Variants in ENPP6 observed in about 807,000 individuals in gnomAD.
The protein encoded by ENPP6 is glycerophosphocholine cholinephosphodiesterase ENPP6.
A neutral mutation model predicts 42.0 loss-of-function variants in ENPP6; 32 were observed. That is an observed-to-expected ratio of 0.76 (90% CI 0.58 to 1.02). The LOEUF is 1.02. Ranked by LOEUF, ENPP6 falls within the 50% of genes least tolerant of loss-of-function variation. The pLI is 0.00. For synonymous variants in ENPP6, 213 were observed against 216.0 expected (o/e 0.99, Z 0.12); for missense variants, 552 against 566.8 (o/e 0.97, Z 0.27).
intron 1 of ENPP6, among the ~76,000 whole-genome samples, chr4:184,159,773 C>A (rs907410655): frequency 6.6e-6 from 1 of 152,094 alleles, no homozygotes; most frequent in African/African-American, 2.4e-5. Context: ...ACATTGTACC[C>A]AATGTGTAGT....
At chr4:184,110,408 A>C (rs58437705) in intron 6 of ENPP6, among the ~76,000 whole-genome samples, 53,143 of 152,054 alleles carry the variant, frequency 0.35, 10,204 homozygotes, top group East Asian at 0.53. Context: ...TTATGCACCA[A>C]GGCTCCTCAT....
rs1735739517 is a variant in ENPP6 at position 184,089,015 on chromosome 4, C to T, written c.*2162G>A. On this transcript the variant is annotated 3_prime_UTR_variant, in exon 8 of 8. Coordinates refer to ENST00000296741, the MANE Select transcript of ENPP6 (RefSeq NM_153343.4). ...TTTGAGTATCTCTTAGGGATTCTTC[C>T]TCCACAGTGGAGGAAAGTGGGCTCT... 1 of 152,182 alleles carries T rather than the reference C, an allele frequency of 6.6e-6. No individual in the cohort carries two copies. The highest frequency in any genetic ancestry group is 6.5e-5 in the Admixed American group (1 of 15,286). The allele number at this position is 152,182 out of a possible 1,614,324, so 9.4% of individuals were successfully genotyped here. A position where few individuals can be genotyped will look rare whatever the true frequency, so the allele number is the denominator to read the frequency against.
At chr4:184,167,842 T>C (rs902546657) in intron 1 of ENPP6, among the ~76,000 whole-genome samples, 1 of 152,158 alleles carries the variant, frequency 6.6e-6, no homozygotes, top group Non-Finnish European at 1.5e-5. Context: ...CAGATGGTGC[T>C]GGGAGCAGAC....
At chr4:184,211,670 C>G (rs1390174293) in intron 1 of ENPP6, among the ~76,000 whole-genome samples, 1 of 151,968 alleles carries the variant, frequency 6.6e-6, no homozygotes, top group African/African-American at 2.4e-5. Flanking sequence ...CAAGGAGGAA[C>G]TGGTACCATT....
At chr4:184,091,480 C>T (rs1735800026) in intron 7 of ENPP6, 98 bp from the exon 8 acceptor site, 1 of 1,160,466 alleles carries the variant, frequency 8.6e-7, no homozygotes, top group African/African-American at 1.5e-5. Context: ...CTGCAGGTGA[C>T]ATTGAGATTA....
chr4:184,214,041 G>T (rs1733158682), intron 1 of ENPP6, among the ~76,000 whole-genome samples: 2 of 135,404 alleles, frequency 1.5e-5, no homozygotes, highest in Non-Finnish European at 3.1e-5. Context: ...ATTGAACAAT[G>T]AGAACACATG....
intron 1 of ENPP6, among the ~76,000 whole-genome samples, chr4:184,178,911 C>G (rs1732495123): frequency 6.6e-6 from 1 of 152,202 alleles, no homozygotes; most frequent in African/African-American, 2.4e-5. Flanking sequence ...TTACCAGCCA[C>G]TACAAAAACA....
chr4:184,202,832 C>T (rs1732926497), intron 1 of ENPP6, among the ~76,000 whole-genome samples: 1 of 152,208 alleles, frequency 6.6e-6, no homozygotes, highest in Non-Finnish European at 1.5e-5. Flanking sequence ...CCTCACCTTA[C>T]TGATAAAGGG....
intron 1 of ENPP6, among the ~76,000 whole-genome samples, chr4:184,193,594 G>T (rs141532784): frequency 3.2e-4 from 49 of 152,288 alleles, no homozygotes; most frequent in African/African-American, 1.1e-3. Flanking sequence ...TAACTGGGTT[G>T]TACTCTTAAA....
In ENPP6 at chr4:184,174,956, T is replaced by G. The variant is rs147220417; in HGVS notation, c.242-21223A>C. 1.9e-3 allele frequency among the ~76,000 whole-genome samples: 296 copies of G among 152,232 alleles called. 2 individuals are homozygous for G. Among genetic ancestry groups the G allele is most frequent in the African/African-American group, 6.9e-3 (286 of 41,546 alleles). On this transcript the variant is annotated intron_variant, in intron 1 of 7. Transcript: ENST00000296741. ...TCTGCAACAGCTTTGAAGCCGAAAT[T>G]TTCACTTCTATTTACTGACTGGAAA... is the stretch of plus-strand genomic sequence containing the variant.
intron 2 of ENPP6, among the ~76,000 whole-genome samples, chr4:184,134,747 T>G (rs1736704744): frequency 6.6e-6 from 1 of 151,826 alleles, no homozygotes; most frequent in Admixed American, 6.6e-5. Context: ...CTGCTCATCA[T>G]GATTTTCTTC....
At chr4:184,179,972 A>G (rs1732526777) in intron 1 of ENPP6, among the ~76,000 whole-genome samples, 1 of 152,222 alleles carries the variant, frequency 6.6e-6, no homozygotes, top group South Asian at 2.1e-4. Context: ...CTAGAGAACC[A>G]AGAGTAAACA....
At chr4:184,194,931 G>A (rs1732771612) in intron 1 of ENPP6, among the ~76,000 whole-genome samples, 1 of 152,116 alleles carries the variant, frequency 6.6e-6, no homozygotes. Flanking sequence ...ACCTTTCCTA[G>A]ACCTCAGCAG....
intron 6 of ENPP6, among the ~76,000 whole-genome samples, chr4:184,106,918 G>A (rs1221558562): frequency 6.6e-6 from 1 of 152,194 alleles, no homozygotes; most frequent in Admixed American, 6.5e-5. Context: ...GTCGGGGATG[G>A]AAGAGCGTGC....
intron 6 of ENPP6, among the ~76,000 whole-genome samples, chr4:184,110,860 C>T (rs116242189): frequency 9.8e-4 from 149 of 152,310 alleles, no homozygotes; most frequent in Non-Finnish European, 1.9e-3. Flanking sequence ...AGCGTCTTAA[C>T]GGATGCCTTG....
chr4:184,104,950 A>G (rs1736062000), intron 6 of ENPP6, among the ~76,000 whole-genome samples: 1 of 152,236 alleles, frequency 6.6e-6, no homozygotes, highest in South Asian at 2.1e-4. Context: ...GCTGGAGAAC[A>G]TTAGCAACTC....
chr4:184,183,350 A>T (rs6552764), intron 1 of ENPP6, among the ~76,000 whole-genome samples: 27,779 of 152,214 alleles, frequency 0.18, 4,937 homozygotes, highest in African/African-American at 0.47. Context: ...TAGGTTAAAC[A>T]TGAATATTGT....
chr4:184,208,222 T>C (rs895579925), intron 1 of ENPP6, among the ~76,000 whole-genome samples: 1 of 151,922 alleles, frequency 6.6e-6, no homozygotes, highest in African/African-American at 2.4e-5. Context: ...TGTTTTAAGA[T>C]TCAGTGGGAG....
chr4:184,155,129 G>A (rs890780613), intron 1 of ENPP6, among the ~76,000 whole-genome samples: 7 of 152,104 alleles, frequency 4.6e-5, no homozygotes, highest in Admixed American at 3.3e-4. Context: ...GATGACCCTC[G>A]CTCACCCTGT....
Sources: gnomAD v4.1 joint callset for allele counts (sites outside exome capture counted in the v4.1 genomes callset) on GRCh38, gnomAD v4.1.1 for gene constraint, MANE v1.5 for transcripts, NCBI Gene and HGNC (gene_info 2026-07-23, HGNC 2026-07-21) for gene names.